OPCML: variants seen among roughly 807,000 people sequenced by gnomAD.
The protein encoded by OPCML is opioid-binding protein/cell adhesion molecule.
OPCML carries 13 observed loss-of-function variants against 37.8 expected under a neutral mutation model. The ratio of observed to expected loss-of-function variants is 0.34; its 90% CI spans 0.22 to 0.55. OPCML has a LOEUF of 0.55. OPCML is among the 20% of genes least tolerant of loss of function. OPCML has a pLI of 0.91. For synonymous variants in OPCML, 176 were observed against 168.8 expected (o/e 1.04, Z -0.33); for missense variants, 341 against 435.6 (o/e 0.78, Z 1.93).
intron 3 of OPCML, among the ~76,000 whole-genome samples, chr11:132,628,902 G>A (rs1031642845): frequency 1.6e-4 from 24 of 152,072 alleles, no homozygotes; most frequent in African/African-American, 2.9e-4. Context: ...TTCCCCTTCC[G>A]CCACAATTGT....
In OPCML at chr11:133,268,505, A is replaced by C. The variant is rs1198196514; in HGVS notation, c.61+263759T>G. ...AGATAACACCATGTGAGCTGATAATAAAATGTCTAGCAATTAAATAATGAA... is the reference window on the plus strand; with the variant it reads ...AGATAACACCATGTGAGCTGATAATCAAATGTCTAGCAATTAAATAATGAA... On this transcript the variant is annotated intron_variant, in intron 1 of 7. Coordinates refer to ENST00000524381, the MANE Select transcript of OPCML (RefSeq NM_001012393.5). Among the ~76,000 whole-genome samples the C allele has an allele frequency of 3.3e-5, 5 of 152,374 alleles. No individual in the cohort carries two copies. The East Asian group carries it at 9.6e-4, about 29-fold the overall frequency.
chr11:133,358,847 C>T (rs745476143), intron 1 of OPCML, among the ~76,000 whole-genome samples: 1 of 152,114 alleles, frequency 6.6e-6, no homozygotes, highest in Non-Finnish European at 1.5e-5. Flanking sequence ...GTGTTCCCCC[C>T]ACCCCCGACC....
intron 1 of OPCML, among the ~76,000 whole-genome samples, chr11:133,347,761 G>A (rs957888165): frequency 4.6e-5 from 7 of 152,172 alleles, no homozygotes; most frequent in Admixed American, 3.9e-4. Flanking sequence ...TCACCTGATG[G>A]AGCTAGAGTT....
At chr11:132,623,817 AAAT>A (rs1939573819) in intron 3 of OPCML, among the ~76,000 whole-genome samples, 1 of 152,240 alleles carries the variant, frequency 6.6e-6, no homozygotes, top group Non-Finnish European at 1.5e-5. Context: ...TTTGCTTAAA[AAAT>A]AATATTAAAG....
chr11:132,758,194 T>C (rs572351730), intron 2 of OPCML, among the ~76,000 whole-genome samples: 1 of 152,348 alleles, frequency 6.6e-6, no homozygotes, highest in East Asian at 1.9e-4. Flanking sequence ...CCATGCTATT[T>C]TGGTTACTGT....
At position 132,467,063 on chromosome 11, in the gene OPCML, G is replaced by A. The variant is rs560002185; in HGVS notation, c.506-29704C>T. 2.0e-5 allele frequency among the ~76,000 whole-genome samples: 3 copies of A among 152,300 alleles called. No homozygotes were observed. The East Asian group carries it at 5.8e-4, about 29-fold the overall frequency. The stretch of plus-strand genomic sequence containing the variant: ...AACTAAAGGATAATAAAATCGAGCT[G>A]ATGCAGTTTAAAGACTCCTCATTAC... On this transcript the variant is annotated intron_variant, in intron 4 of 7. Coordinates refer to ENST00000524381, the MANE Select transcript of OPCML (RefSeq NM_001012393.5).
chr11:132,531,986 A>C (rs2096326732), intron 3 of OPCML, among the ~76,000 whole-genome samples: 1 of 152,130 alleles, frequency 6.6e-6, no homozygotes, highest in Non-Finnish European at 1.5e-5. Context: ...TGGGGAAAGC[A>C]CAGTCAGTGA....
intron 7 of OPCML, among the ~76,000 whole-genome samples, chr11:132,435,780 A>G (rs572762138): frequency 1.3e-5 from 2 of 152,332 alleles, no homozygotes; most frequent in East Asian, 3.9e-4. Flanking sequence ...TTAAAATTAC[A>G]CAGTTGAATT....
chr11:133,488,377 A>G (rs1251503394), intron 1 of OPCML, among the ~76,000 whole-genome samples: 4 of 152,152 alleles, frequency 2.6e-5, no homozygotes, highest in Non-Finnish European at 1.5e-5. Context: ...AGATACCACC[A>G]AAAATCTCTT....
At chr11:132,944,169 G>C (rs1196599615) in intron 1 of OPCML, among the ~76,000 whole-genome samples, 1 of 152,118 alleles carries the variant, frequency 6.6e-6, no homozygotes, top group Non-Finnish European at 1.5e-5. Flanking sequence ...CCCTCGCAGC[G>C]GCTTCCCCTA....
At chr11:133,199,295 CAG>C (rs1330826325) in intron 1 of OPCML, among the ~76,000 whole-genome samples, 3 of 152,136 alleles carry the variant, frequency 2.0e-5, no homozygotes, top group Non-Finnish European at 2.9e-5. Flanking sequence ...GGAAAACAAA[CAG>C]AAGAATATAT....
chr11:133,201,924 G>A (rs932894076), intron 1 of OPCML, among the ~76,000 whole-genome samples: 1 of 152,096 alleles, frequency 6.6e-6, no homozygotes, highest in African/African-American at 2.4e-5. Context: ...GTTTTTTATT[G>A]TTTATTAATT....
At chr11:133,446,325 C>A (rs1172365131) in intron 1 of OPCML, among the ~76,000 whole-genome samples, 1 of 152,120 alleles carries the variant, frequency 6.6e-6, no homozygotes, top group Non-Finnish European at 1.5e-5. Flanking sequence ...TAGATATTTG[C>A]AGGGTTTTAA....
intron 1 of OPCML, among the ~76,000 whole-genome samples, chr11:133,304,047 T>C (rs1407237098): frequency 2.0e-5 from 3 of 152,202 alleles, no homozygotes; most frequent in African/African-American, 4.8e-5. Context: ...ACTGATAGAA[T>C]TGATAAATTT....
intron 2 of OPCML, among the ~76,000 whole-genome samples, chr11:132,822,868 T>G (rs559239101): frequency 6.6e-6 from 1 of 152,298 alleles, no homozygotes; most frequent in East Asian, 1.9e-4. Context: ...CTGTGGGACC[T>G]TATGAAGCTT....
intron 2 of OPCML, among the ~76,000 whole-genome samples, chr11:132,673,531 G>C (rs1404354682): frequency 1.3e-5 from 2 of 152,090 alleles, no homozygotes; most frequent in African/African-American, 4.8e-5. Flanking sequence ...CTCATCAACT[G>C]CACCCAGGTT....
chr11:133,420,880 A>C, intron 1 of OPCML: 2 of 985,428 alleles, frequency 2.0e-6, no homozygotes, highest in Non-Finnish European at 2.4e-6. Flanking sequence ...CATTTATATG[A>C]GCGTCTCATG....
intron 3 of OPCML, among the ~76,000 whole-genome samples, chr11:132,538,751 C>T (rs1257371738): frequency 6.6e-6 from 1 of 152,122 alleles, no homozygotes; most frequent in African/African-American, 2.4e-5. Flanking sequence ...TCATTACTTG[C>T]CCACTGTTTC....
intron 1 of OPCML, among the ~76,000 whole-genome samples, chr11:133,182,501 A>C (rs1937881532): frequency 6.6e-6 from 1 of 152,176 alleles, no homozygotes; most frequent in Admixed American, 6.5e-5. Flanking sequence ...AAAGGAAGAG[A>C]CAATTCTGGT....
Sources: gnomAD v4.1 joint callset for allele counts (sites outside exome capture counted in the v4.1 genomes callset) on GRCh38, gnomAD v4.1.1 for gene constraint, MANE v1.5 for transcripts, NCBI Gene and HGNC (gene_info 2026-07-23, HGNC 2026-07-21) for gene names.